PRDM10: variants seen among roughly 807,000 people sequenced by gnomAD.
The protein encoded by PRDM10 is PR domain zinc finger protein 10.
A neutral mutation model predicts 133.1 loss-of-function variants in PRDM10; 65 were observed. The observed-to-expected ratio is 0.49, with a 90% confidence interval of 0.40 to 0.60. PRDM10 has a LOEUF of 0.60. Among genes scored for constraint, PRDM10 ranks in the 20% least tolerant of loss-of-function variants. The pLI, the probability that PRDM10 is intolerant of heterozygous loss-of-function variation, is 0.00. For missense variants in PRDM10, 1,137 were observed against 1,507.1 expected (o/e 0.75, Z 4.07); for synonymous variants, 582 against 580.4 (o/e 1.00, Z -0.04).
intron 1 of PRDM10, among the ~76,000 whole-genome samples, chr11:129,981,725 G>A (rs58436307): frequency 0.048 from 7,247 of 151,854 alleles, 463 homozygotes; most frequent in African/African-American, 0.15. Context: ...GCGAAACCCC[G>A]TCTCTACTAA....
At chr11:129,908,267 T>G (rs1436434055) in intron 19 of PRDM10, among the ~76,000 whole-genome samples, 1 of 151,896 alleles carries the variant, frequency 6.6e-6, no homozygotes, top group Non-Finnish European at 1.5e-5. Flanking sequence ...AGCCCAGGAG[T>G]TTGAGATCAA....
chr11:129,961,971 A>G (rs1358435621), intron 1 of PRDM10, among the ~76,000 whole-genome samples: 2 of 152,122 alleles, frequency 1.3e-5, no homozygotes, highest in East Asian at 3.9e-4. Flanking sequence ...AACTTCCCAT[A>G]CCACCTTTAC....
intron 1 of PRDM10, among the ~76,000 whole-genome samples, chr11:129,971,312 G>A (rs11221917): frequency 0.24 from 36,785 of 152,058 alleles, 7,715 homozygotes; most frequent in East Asian, 0.56. Context: ...GGCCCCACAC[G>A]CATCCTGCTG....
rs775876571 is a variant in PRDM10, at chr11:129,914,873, G to A, written c.2672C>T (p.Thr891Met). The A allele has an allele frequency of 5.6e-6, 9 of 1,614,040 alleles. No homozygotes were observed. Among genetic ancestry groups the A allele is most frequent in the Middle Eastern group, 1.6e-4 (1 of 6,084 alleles). The part of the protein sequence containing the change: ...TDSATGETVV[T>M]TDLLTQAMTE... ...CATTGCTTGGGTGAGCAGGTCCGTCGTCACCACAGTCTCTCCAGTGGCGCT... is the reference window on the plus strand; with the variant it reads ...CATTGCTTGGGTGAGCAGGTCCGTCATCACCACAGTCTCTCCAGTGGCGCT... The change falls in exon 17 of 21, where the codon ACG (threonine) becomes ATG (methionine). Residue 891 changes from threonine (T) to methionine (M), a missense_variant. Transcript: ENST00000360871.
At chr11:129,910,451 C>T (rs528339925) in intron 19 of PRDM10, 25 bp downstream of exon 19, 1 of 1,613,280 alleles carries the variant, frequency 6.2e-7, no homozygotes, top group South Asian at 1.1e-5. Context: ...CCCTGACCGA[C>T]ACGGCATCGT....
chr11:129,960,177 A>G (rs1951769685), intron 2 of PRDM10, among the ~76,000 whole-genome samples: 1 of 152,148 alleles, frequency 6.6e-6, no homozygotes, highest in African/African-American at 2.4e-5. Flanking sequence ...CTTGATTTTG[A>G]TACTGGTACT....
chr11:129,912,961 A>C (rs1217995663), intron 17 of PRDM10, among the ~76,000 whole-genome samples: 1 of 149,370 alleles, frequency 6.7e-6, no homozygotes, highest in East Asian at 2.0e-4. Context: ...TCAGGAGGCT[A>C]AGGCAGAAGA....
chr11:129,922,878 A>G (rs958049547), intron 13 of PRDM10, among the ~76,000 whole-genome samples: 7 of 152,316 alleles, frequency 4.6e-5, no homozygotes, highest in African/African-American at 1.4e-4. Flanking sequence ...GCAAGGCTCA[A>G]TTACGGGCTC....
In PRDM10 at chr11:129,931,024, G is replaced by A. The variant is rs1176023522; in HGVS notation, c.1522C>T (p.Arg508Cys). ...LTADDMRRAK[R>C]IRNAALQHLF... is the part of the protein sequence containing the mutation. ...CGGCTTTCCCCACTTACTCGGATGC[G>A]CTTGGCTCTGCGCATGTCGTCGGCT... Residue 508 changes from arginine to cysteine, a missense_variant, in exon 11 of 21, where the codon CGC (arginine) becomes TGC (cysteine). Arg to Cys is a radical substitution (Grantham distance 180). This residue lies in a region of PRDM10 where 635 missense variants were observed against 835.2 expected (regional missense o/e 0.76). Transcript: ENST00000360871. 1.2e-6 allele frequency: 2 copies of A among 1,609,732 alleles called. No individual in the cohort carries two copies. The highest frequency in any genetic ancestry group is 1.7e-5 in the Admixed American group (1 of 59,596).
At position 129,918,588 on chromosome 11, in the gene PRDM10, G is replaced by A. The variant is rs1278300933; in HGVS notation, c.2165C>T (p.Thr722Met). 15 of 1,614,108 alleles carry A rather than the reference G, an allele frequency of 9.3e-6. No individual in the cohort carries two copies. Among genetic ancestry groups the A allele is most frequent in the African/African-American group, 1.3e-5 (1 of 74,946 alleles). Residue 722 changes from threonine to methionine, a missense_variant, in exon 14 of 21, where the codon ACG (threonine) becomes ATG (methionine). Thr to Met is a moderately conservative substitution (Grantham distance 81). Transcript: ENST00000360871. The surrounding 1 kb of genome is among the most constrained non-coding windows in gnomAD (Gnocchi z 5.3). ...CATCATGCACAGGCGGCACTTGAAC[G>A]TGAAGCTGTCGTAGTCTGTGGACGT... ...RITSTDYDSF[T>M]FKCRLCMMGF...
At position 129,945,787 on chromosome 11, in the gene PRDM10, C is replaced by T. The variant is rs777771763; in HGVS notation, c.521-775G>A. 2.6e-5 allele frequency among the ~76,000 whole-genome samples: 4 copies of T among 152,208 alleles called. No individual in the cohort carries two copies. Among genetic ancestry groups the T allele is most frequent in the Non-Finnish European group, 5.9e-5 (4 of 68,034 alleles). On this transcript the variant is annotated intron_variant, in intron 5 of 20. Coordinates refer to ENST00000360871, the MANE Select transcript of PRDM10 (RefSeq NM_199437.2). The surrounding 1 kb of genome is among the most constrained non-coding windows in gnomAD (Gnocchi z 4.2). ...GGCCATGCCCACAACCCTTAACACA[C>T]TTAACATGCTTTACCTTACTCCAGC...
intron 1 of PRDM10, among the ~76,000 whole-genome samples, chr11:129,997,890 T>TA (rs1194052783): frequency 6.6e-6 from 1 of 152,158 alleles, no homozygotes; most frequent in Non-Finnish European, 1.5e-5. Context: ...TCATAAGCAC[T>TA]AAAAAAACAG....
intron 1 of PRDM10, among the ~76,000 whole-genome samples, chr11:129,963,403 AGAG>A (rs1951839224): frequency 4.8e-5 from 6 of 124,296 alleles, no homozygotes; most frequent in Admixed American, 4.7e-4. Flanking sequence ...AGAGAAGAGA[AGAG>A]AAGAGAAGAG....
In PRDM10 at chr11:129,931,109, G is replaced by A. The variant is rs1414177110; in HGVS notation, c.1437C>T (p.His479=). Residue 479 remains histidine, a synonymous_variant, in exon 11 of 21, where the codon CAC becomes CAT. Transcript: ENST00000360871. ...CATGCTGCGGCTGCAGGTGCAGGGT[G>A]TGAGTTTCTGGTTCATGTTCCAGGG... ...QSSLEHEPET[H]TLHLQPQHEE... is the part of the protein sequence containing the mutation. 1 of 1,614,212 alleles carries A rather than the reference G, an allele frequency of 6.2e-7. No homozygotes were observed. The highest frequency in any genetic ancestry group is 1.7e-5 in the Admixed American group (1 of 60,030).
intron 4 of PRDM10, among the ~76,000 whole-genome samples, chr11:129,950,171 A>C (rs1565490849): frequency 6.6e-6 from 1 of 151,614 alleles, no homozygotes; most frequent in East Asian, 2.0e-4. Context: ...CAGGAGGTTG[A>C]GGCTGCAGTG....
At chr11:129,943,677 T>C (rs1199712144) in intron 6 of PRDM10, among the ~76,000 whole-genome samples, 2 of 152,026 alleles carry the variant, frequency 1.3e-5, no homozygotes, top group Non-Finnish European at 2.9e-5. Flanking sequence ...CTGGGCAACA[T>C]GGCAAGACCC....
At chr11:129,948,535 T>C (rs942515400) in intron 4 of PRDM10, among the ~76,000 whole-genome samples, 1 of 152,180 alleles carries the variant, frequency 6.6e-6, no homozygotes, top group Non-Finnish European at 1.5e-5. Context: ...GCACTCAGCA[T>C]CTGCTTCCAC....
At chr11:129,916,028 A>G (rs1812386928) in intron 15 of PRDM10, among the ~76,000 whole-genome samples, 168 bp from the exon 16 acceptor site, 1 of 152,346 alleles carries the variant, frequency 6.6e-6, no homozygotes, top group South Asian at 2.1e-4. Context: ...AGGATATACT[A>G]CAAATTAGAA....
chr11:129,918,480 A>G lies in PRDM10; in HGVS notation c.2214+59T>C, dbSNP rs1164794403. ...ACAATGCAACACAAACGTCACCATCATCGACAGCAATGAGGTATGCTGGGA... is the reference window on the plus strand; with the variant it reads ...ACAATGCAACACAAACGTCACCATCGTCGACAGCAATGAGGTATGCTGGGA... On this transcript the variant is annotated intron_variant, in intron 14 of 20. Coordinates refer to ENST00000360871, the MANE Select transcript of PRDM10 (RefSeq NM_199437.2). The surrounding 1 kb of genome is among the most constrained non-coding windows in gnomAD (Gnocchi z 5.3). 4 of 1,549,572 alleles carry G rather than the reference A, an allele frequency of 2.6e-6. No individual in the cohort carries two copies. The East Asian group carries it at 9.1e-5, about 35-fold the overall frequency.
Sources: allele counts gnomAD v4.1 joint callset (sites outside exome capture counted in the v4.1 genomes callset), GRCh38; gene constraint gnomAD v4.1.1; regional missense constraint gnomAD v4.1.1; non-coding constraint Gnocchi (gnomAD v3.1); transcripts MANE v1.5; gene names NCBI Gene and HGNC (gene_info 2026-07-23, HGNC 2026-07-21).